RBFOX1: variants seen among roughly 807,000 people sequenced by gnomAD.
The protein encoded by RBFOX1 is RNA binding protein fox-1 homolog 1.
In RBFOX1, 8 loss-of-function variants were observed where a neutral mutation model predicts 57.7. The ratio of observed to expected loss-of-function variants is 0.14; its 90% CI spans 0.08 to 0.25. The LOEUF is 0.25. Among genes scored for constraint, RBFOX1 ranks in the 10% least tolerant of loss-of-function variants. The pLI, the probability that RBFOX1 is intolerant of heterozygous loss-of-function variation, is 1.00. For synonymous variants in RBFOX1, 326 were observed against 222.4 expected (o/e 1.47, Z -4.15); for missense variants, 611 against 548.5 (o/e 1.11, Z -1.14).
At chr16:6,333,257 C>G (rs374998478) in intron 2 of RBFOX1, among the ~76,000 whole-genome samples, 1 of 152,138 alleles carries the variant, frequency 6.6e-6, no homozygotes, top group African/African-American at 2.4e-5. Context: ...GTTGGCCAGG[C>G]TGGTCTTGAA....
At chr16:5,310,289 A>C (rs912896415) in intron 1 of RBFOX1, among the ~76,000 whole-genome samples, 1 of 152,042 alleles carries the variant, frequency 6.6e-6, no homozygotes, top group South Asian at 2.1e-4. Context: ...GTAGTCCCAG[A>C]TACTCAGGAG....
chr16:6,124,683 T>G (rs1006235600), intron 1 of RBFOX1, among the ~76,000 whole-genome samples: 7 of 151,880 alleles, frequency 4.6e-5, no homozygotes, highest in African/African-American at 1.5e-4. Flanking sequence ...TTGTTGTTGT[T>G]TTTTGTTTGT....
intron 4 of RBFOX1, among the ~76,000 whole-genome samples, chr16:7,414,663 G>A (rs1056247699): frequency 1.3e-5 from 2 of 151,986 alleles, no homozygotes; most frequent in Non-Finnish European, 2.9e-5. Context: ...TGTCACCCAG[G>A]CTGGAGTGTG....
At chr16:6,977,610 C>T (rs561482351) in intron 3 of RBFOX1, among the ~76,000 whole-genome samples, 3 of 152,212 alleles carry the variant, frequency 2.0e-5, no homozygotes, top group African/African-American at 7.2e-5. Context: ...TCTGTGGACT[C>T]CAAGCTTCCA....
At chr16:5,805,939 A>G (rs1235994837) in intron 3 of RBFOX1, among the ~76,000 whole-genome samples, 3 of 152,198 alleles carry the variant, frequency 2.0e-5, no homozygotes, top group Middle Eastern at 6.3e-3. Context: ...GGACAAATGG[A>G]GAAATCTGTC....
chr16:7,345,617 C>T (rs1004271863), intron 4 of RBFOX1, among the ~76,000 whole-genome samples: 2 of 152,064 alleles, frequency 1.3e-5, no homozygotes, highest in African/African-American at 2.4e-5. Context: ...AGTCATCAGC[C>T]GCCGAGTCCC....
chr16:7,690,332 C>A (rs1297826916), intron 14 of RBFOX1, among the ~76,000 whole-genome samples: 1 of 152,066 alleles, frequency 6.6e-6, no homozygotes, highest in South Asian at 2.1e-4. Context: ...CACTTGGAAG[C>A]ATTTAAAAAC....
intron 4 of RBFOX1, among the ~76,000 whole-genome samples, chr16:7,213,640 T>C (rs189361390): frequency 1.2e-3 from 179 of 152,156 alleles, no homozygotes; most frequent in Non-Finnish European, 2.2e-3. Context: ...CTGAAGTGGA[T>C]CTTGAGATGA....
intron 1 of RBFOX1, among the ~76,000 whole-genome samples, chr16:5,364,571 T>C (rs575751369): frequency 3.2e-4 from 48 of 152,248 alleles, no homozygotes; most frequent in Non-Finnish European, 6.6e-4. Flanking sequence ...GTGATGATAC[T>C]TACTCCATTC....
At chr16:7,252,604 TGTTTTGG>T (rs2094534905) in intron 4 of RBFOX1, among the ~76,000 whole-genome samples, 1 of 152,244 alleles carries the variant, frequency 6.6e-6, no homozygotes, top group African/African-American at 2.4e-5. Flanking sequence ...AGTTGTTAAA[TGTTTTGG>T]GTGTAGCCTG....
At chr16:5,488,714 C>T (rs1453709032) in intron 2 of RBFOX1, among the ~76,000 whole-genome samples, 18 of 110,090 alleles carry the variant, frequency 1.6e-4, no homozygotes, top group Admixed American at 1.5e-3. Flanking sequence ...GATGATGGTG[C>T]TGGTGGGGTG....
At chr16:6,728,860 A>G (rs762348830) in intron 3 of RBFOX1, among the ~76,000 whole-genome samples, 22 of 152,196 alleles carry the variant, frequency 1.4e-4, no homozygotes, top group Non-Finnish European at 2.9e-4. Context: ...AACAGTGGCC[A>G]GAGAAGAACT....
chr16:6,022,987 G>A (rs934732922), intron 1 of RBFOX1, among the ~76,000 whole-genome samples: 4 of 152,118 alleles, frequency 2.6e-5, no homozygotes, highest in East Asian at 1.9e-4. Context: ...TGAGGGATTC[G>A]GGGATCTAAA....
intron 3 of RBFOX1, among the ~76,000 whole-genome samples, chr16:6,845,407 G>A (rs926906211): frequency 6.6e-6 from 1 of 152,022 alleles, no homozygotes; most frequent in Non-Finnish European, 1.5e-5. Flanking sequence ...TGGCCAGACA[G>A]TTGTCCCAGC....
chr16:6,934,552 A>C (rs2077059149), intron 3 of RBFOX1, among the ~76,000 whole-genome samples: 1 of 152,180 alleles, frequency 6.6e-6, no homozygotes, highest in South Asian at 2.1e-4. Context: ...ACATAAAAAG[A>C]AGGAATTTTT....
At chr16:7,018,798 AAG>A (rs57949550) in intron 3 of RBFOX1, among the ~76,000 whole-genome samples, 3,198 of 150,442 alleles carry the variant, frequency 0.021, 109 homozygotes, top group African/African-American at 0.072. Flanking sequence ...AAAAAAAAAA[AAG>A]AAGAAATACA....
intron 2 of RBFOX1, among the ~76,000 whole-genome samples, chr16:6,490,933 G>C (rs1398412566): frequency 2.6e-5 from 4 of 151,980 alleles, no homozygotes; most frequent in Non-Finnish European, 5.9e-5. Context: ...TGGCTTTTGT[G>C]GAATACCTAT....
At chr16:5,759,282 T>C (rs1364120905) in intron 3 of RBFOX1, among the ~76,000 whole-genome samples, 2 of 152,230 alleles carry the variant, frequency 1.3e-5, no homozygotes, top group Non-Finnish European at 2.9e-5. Context: ...AAGCCATCTC[T>C]GGGTACACAT....
At chr16:6,402,472 A>G (rs2093114087) in intron 2 of RBFOX1, among the ~76,000 whole-genome samples, 1 of 152,208 alleles carries the variant, frequency 6.6e-6, no homozygotes, top group African/African-American at 2.4e-5. Flanking sequence ...TTGGAATTCA[A>G]TCCATACATA....
Sources: gnomAD v4.1 joint callset for allele counts (sites outside exome capture counted in the v4.1 genomes callset) on GRCh38, gnomAD v4.1.1 for gene constraint, MANE v1.5 for transcripts, NCBI Gene and HGNC (gene_info 2026-07-23, HGNC 2026-07-21) for gene names.